TRIM9: variants seen among roughly 807,000 people sequenced by gnomAD.
TRIM9 encodes the protein tripartite motif containing 9.
TRIM9 carries 26 observed loss-of-function variants against 78.3 expected under a neutral mutation model. That is an observed-to-expected ratio of 0.33 (90% CI 0.24 to 0.46). The LOEUF is 0.46. Ranked by LOEUF, TRIM9 falls within the 20% of genes least tolerant of loss-of-function variation. The pLI, the probability that TRIM9 is intolerant of heterozygous loss-of-function variation, is 1.00. For synonymous variants in TRIM9, 398 were observed against 416.5 expected (o/e 0.96, Z 0.54); for missense variants, 787 against 1,036.4 (o/e 0.76, Z 3.30).
chr14:51,023,101 G>C, intron 2 of TRIM9, 144 bp from the exon 3 acceptor site: 1 of 1,106,906 alleles, frequency 9.0e-7, no homozygotes, highest in Non-Finnish European at 1.3e-6. Context: ...AAAATAACTG[G>C]ATAAACTTTA....
Position 50,997,842 on chromosome 14 carries a change from C to G in TRIM9, c.1603+208G>C, listed in dbSNP as rs1195799020. ...AAGCCGCCGGCCCAAGCCATTGGAA[C>G]TGCCGATGTGGAATCTTTGGTTTGA... On this transcript the variant is annotated intron_variant, in intron 7 of 12. Coordinates refer to ENST00000684578, the MANE Select transcript of TRIM9 (RefSeq NM_001387360.1). 3 of 1,396,514 alleles carry G rather than the reference C, an allele frequency of 2.1e-6. No individual in the cohort carries two copies. The East Asian group carries it at 7.6e-5, about 35-fold the overall frequency. The allele number at this position is 1,396,514 out of a possible 1,614,324, so 86.5% of individuals were successfully genotyped here.
chr14:50,990,322 AT>A (rs2053334051), intron 7 of TRIM9, among the ~76,000 whole-genome samples: 1 of 152,012 alleles, frequency 6.6e-6, no homozygotes, highest in Non-Finnish European at 1.5e-5. Flanking sequence ...CAGCCCATAT[AT>A]TTCTTTTATT....
At position 51,027,102 on chromosome 14, in the gene TRIM9, G is replaced by T. The variant is rs932628013; in HGVS notation, c.823-1742C>A. On this transcript the variant is annotated intron_variant, in intron 1 of 12. Coordinates refer to ENST00000684578, the MANE Select transcript of TRIM9 (RefSeq NM_001387360.1). The stretch of plus-strand genomic sequence containing the variant: ...ATTACCCTACTGGTGCACAGTGCAT[G>T]ATGCGTGCTTAATAAATGCTGGCTG... 9.3e-4 allele frequency among the ~76,000 whole-genome samples: 137 copies of T among 147,790 alleles called. 1 individual carries two copies. Among genetic ancestry groups the T allele is most frequent in the African/African-American group, 3.2e-3 (130 of 40,276 alleles).
At chr14:50,990,593 G>C (rs2053376058) in intron 7 of TRIM9, among the ~76,000 whole-genome samples, 2 of 152,096 alleles carry the variant, frequency 1.3e-5, no homozygotes, top group Admixed American at 6.6e-5. Context: ...TGTTATTTTT[G>C]GAATCTAAAG....
intron 3 of TRIM9, among the ~76,000 whole-genome samples, chr14:51,018,409 ATTT>A (rs1439297057): frequency 1.3e-5 from 2 of 150,182 alleles, no homozygotes; most frequent in Admixed American, 1.3e-4. Flanking sequence ...TCAAAGGATT[ATTT>A]GCCTGTCATA....
chr14:51,021,155 A>T (rs2057723981), intron 3 of TRIM9, among the ~76,000 whole-genome samples: 1 of 152,188 alleles, frequency 6.6e-6, no homozygotes. Flanking sequence ...CTCAGATTGA[A>T]GGGCTATAGT....
Position 51,010,342 on chromosome 14 carries a change from T to C in TRIM9, c.1152+42A>G, listed in dbSNP as rs753725749. 12 of 1,514,870 alleles carry C rather than the reference T, an allele frequency of 7.9e-6. No homozygotes were observed. In the East Asian group the frequency reaches 2.0e-4, roughly 26 times the overall value. 93.8% of individuals were successfully genotyped at this position (1,514,870 alleles called of 1,614,324 possible). ...CTTAAGCATCCTAGACTATGTCCTA[T>C]GGGACATTTAGAATCTGACGCAGAA... On this transcript the variant is annotated intron_variant, in intron 4 of 12. Coordinates refer to ENST00000684578, the MANE Select transcript of TRIM9 (RefSeq NM_001387360.1).
intron 1 of TRIM9, among the ~76,000 whole-genome samples, chr14:51,069,672 G>A (rs2062043561): frequency 6.6e-6 from 1 of 152,226 alleles, no homozygotes; most frequent in Non-Finnish European, 1.5e-5. Context: ...TCAGAATGAT[G>A]CAAATGTCAG....
rs1307302650 is a variant in TRIM9, at chr14:50,982,973, C to T, written c.1835-8G>A. On this transcript the variant is annotated splice_region_variant and splice_polypyrimidine_tract_variant and intron_variant, in intron 9 of 12. Transcript: ENST00000684578. Reference sequence around the variant, plus strand: ...ACAGCTTTTTAATGTCAACTGTTGTCATTCCAAGTGAAAGGCATGGGGGAG... The same window carrying T: ...ACAGCTTTTTAATGTCAACTGTTGTTATTCCAAGTGAAAGGCATGGGGGAG... The T allele has an allele frequency of 6.5e-6, 10 of 1,548,840 alleles. No homozygotes were observed. In the Admixed American group the frequency reaches 2.0e-4, roughly 30 times the overall value.
At chr14:51,093,895 A>T (rs1162140554) in intron 1 of TRIM9, among the ~76,000 whole-genome samples, 1 of 152,202 alleles carries the variant, frequency 6.6e-6, no homozygotes, top group Non-Finnish European at 1.5e-5. Flanking sequence ...ACCCGCTCTA[A>T]GGCATCCCCG....
intron 1 of TRIM9, among the ~76,000 whole-genome samples, chr14:51,092,992 G>A (rs1259043054): frequency 6.6e-6 from 1 of 152,126 alleles, no homozygotes; most frequent in African/African-American, 2.4e-5. Context: ...GCTTCAGGCT[G>A]AATGAACACC....
chr14:51,052,209 T>C (rs747271073), intron 1 of TRIM9, among the ~76,000 whole-genome samples: 1 of 152,110 alleles, frequency 6.6e-6, no homozygotes, highest in African/African-American at 2.4e-5. Context: ...TCAATATATA[T>C]TTTTCCAAAA....
chr14:51,036,840 T>C (rs1212283842), intron 1 of TRIM9, among the ~76,000 whole-genome samples: 1 of 152,238 alleles, frequency 6.6e-6, no homozygotes, highest in Non-Finnish European at 1.5e-5. Flanking sequence ...TTTTTCCCCT[T>C]ATCACAGGGA....
In TRIM9 at chr14:51,008,526, C is replaced by T. The variant is rs2056138370; in HGVS notation, c.1306+554G>A. On this transcript the variant is annotated intron_variant, in intron 5 of 12. Coordinates refer to ENST00000684578, the MANE Select transcript of TRIM9 (RefSeq NM_001387360.1). ...TCCTTAAAATATTTTCAGCCCCCAC[C>T]CAGAATCTCAAAGAGACCTTGCCAT... 3.3e-5 allele frequency among the ~76,000 whole-genome samples: 5 copies of T among 152,252 alleles called. No homozygotes were observed. In the South Asian group the frequency reaches 1.0e-3, roughly 32 times the overall value.
chr14:51,045,287 T>C (rs1445402684), intron 1 of TRIM9, among the ~76,000 whole-genome samples: 1 of 152,238 alleles, frequency 6.6e-6, no homozygotes, highest in Non-Finnish European at 1.5e-5. Flanking sequence ...CATCTCTAAA[T>C]ATTTGAAGAA....
intron 1 of TRIM9, among the ~76,000 whole-genome samples, chr14:51,063,626 C>T (rs926966552): frequency 1.3e-5 from 2 of 151,750 alleles, no homozygotes; most frequent in Admixed American, 6.6e-5. Flanking sequence ...GGGAGTGACA[C>T]TATAAGTAAC....
chr14:51,014,432 A>C (rs779998471), intron 3 of TRIM9, among the ~76,000 whole-genome samples: 1 of 152,144 alleles, frequency 6.6e-6, no homozygotes, highest in Admixed American at 6.5e-5. Context: ...GCTACAGTTG[A>C]TTTTGGTCCA....
chr14:51,028,866 C>A (rs1407496266), intron 1 of TRIM9, among the ~76,000 whole-genome samples: 3 of 152,124 alleles, frequency 2.0e-5, no homozygotes, highest in Non-Finnish European at 4.4e-5. Flanking sequence ...AGGAGAGAAA[C>A]AAAGAACTCT....
At chr14:50,991,563 C>T (rs1428343334) in intron 7 of TRIM9, among the ~76,000 whole-genome samples, 1 of 152,140 alleles carries the variant, frequency 6.6e-6, no homozygotes, top group Non-Finnish European at 1.5e-5. Context: ...AGACCATATA[C>T]ATTTCCTTAT....
Sources: gnomAD v4.1 joint callset for allele counts (sites outside exome capture counted in the v4.1 genomes callset) on GRCh38, gnomAD v4.1.1 for gene constraint, MANE v1.5 for transcripts, NCBI Gene and HGNC (gene_info 2026-07-23, HGNC 2026-07-21) for gene names.